The following TMEM134 variants were observed in gnomAD, a reference collection of about 807,000 sequenced individuals.
TMEM134 encodes transmembrane protein 134.
TMEM134 carries 36 observed loss-of-function variants against 26.2 expected under a neutral mutation model. That is an observed-to-expected ratio of 1.37 (90% CI 1.05 to 1.81). The LOEUF (loss-of-function observed/expected upper bound fraction) is 1.81. TMEM134 is among the 40% of genes most tolerant of loss of function. The pLI, the probability that TMEM134 is intolerant of heterozygous loss-of-function variation, is 0.00. For missense variants in TMEM134, 339 were observed against 263.5 expected (o/e 1.29, Z -1.98); for synonymous variants, 133 against 113.6 (o/e 1.17, Z -1.08).
intron 4 of TMEM134, chr11:67,467,097 G>A (rs2134230994): frequency 1.7e-6 from 1 of 598,554 alleles, no homozygotes. Flanking sequence ...TGATAAGCCA[G>A]GTTCCATTTT....
Position 67,469,177 on chromosome 11 carries a change from G to T in TMEM134, c.16C>A (p.Pro6Thr), listed in dbSNP as rs1276779250. The T allele has an allele frequency of 4.4e-6, 6 of 1,353,452 alleles. No individual in the cohort carries two copies. Among genetic ancestry groups the T allele is most frequent in the Non-Finnish European group, 5.7e-6 (6 of 1,043,758 alleles). The allele number at this position is 1,353,452 out of a possible 1,614,324, so 83.8% of individuals were successfully genotyped here. A position where few individuals can be genotyped will look rare whatever the true frequency, so the allele number is the denominator to read the frequency against. Residue 6 changes from proline to threonine, a missense_variant, in exon 1 of 7, where the codon CCC (proline) becomes ACC (threonine). Physicochemically the swap from Pro to Thr is conservative, Grantham distance 38. Transcript: ENST00000308022. ...AAGGCATCATCAATGCTGAACTGGG[G>T]CCGGGCGGCGCTCATGGCCCCGGCC... Reference protein sequence around the residue: MSAARPQFSIDDAFEL... With the variant: MSAARTQFSIDDAFEL...
rs746644447 is a variant in TMEM134, at chr11:67,464,839, A to C, written c.469T>G (p.Phe157Val). Reference sequence around the variant, plus strand: ...AACAACAGGAAGCCCGGCACGAAGAAGATGGCGCTGGAGACACCTGCGGGA... The same window carrying C: ...AACAACAGGAAGCCCGGCACGAAGACGATGGCGCTGGAGACACCTGCGGGA... ...TPSPGVSSAI[F>V]FVPGFLLLVP... The change falls in exon 6 of 7, where the codon TTC becomes GTC. Residue 157 changes from phenylalanine (F) to valine (V), a missense_variant. Physicochemically the swap from Phe to Val is conservative, Grantham distance 50 (BLOSUM62 -1). Transcript: ENST00000308022. 4 of 1,610,444 alleles carry C rather than the reference A, an allele frequency of 2.5e-6. No individual in the cohort carries two copies. The African/African-American group carries it at 4.0e-5, about 16-fold the overall frequency.
At position 67,464,620 on chromosome 11, in the gene TMEM134, C is replaced by A; in HGVS notation, c.582G>T (p.Glu194Asp). ...GFQFFYLPYFEK is the reference protein window; with the variant it reads ...GFQFFYLPYFDK ...GGTCCACGCTGCGCCGCGATCACTT[C>A]TCGAAGTAGGGCAGGTAGAAGAACT... Residue 194 changes from glutamate (E) to aspartate (D), a missense_variant, in exon 7 of 7, where the codon GAG becomes GAT. Transcript: ENST00000308022. The A allele has an allele frequency of 6.4e-7, 1 of 1,552,318 alleles. No individual in the cohort carries two copies. Among genetic ancestry groups the A allele is most frequent in the East Asian group, 2.4e-5 (1 of 41,006 alleles).
intron 1 of TMEM134, 110 bp downstream of exon 1, chr11:67,468,909 G>T: frequency 8.9e-7 from 1 of 1,129,290 alleles, no homozygotes; most frequent in Non-Finnish European, 1.2e-6. Context: ...GCGGTCTCGC[G>T]CTTCAGCTGG....
chr11:67,464,454 T>A lies in TMEM134; in HGVS notation c.*160A>T. On this transcript the variant is annotated 3_prime_UTR_variant, in exon 7 of 7. Transcript: ENST00000308022. ...AGGCACAGAGCAGGCGACGGGCGGC[T>A]TTCCCAGGGCCAGGCCTGCATGCCC... The A allele has an allele frequency of 1.4e-6, 1 of 713,232 alleles. No homozygotes were observed. The highest frequency in any genetic ancestry group is 2.4e-6 in the Non-Finnish European group (1 of 419,346). The allele number at this position is 713,232 out of a possible 1,614,324, so 44.2% of individuals were successfully genotyped here. A position where few individuals can be genotyped will look rare whatever the true frequency, so the allele number is the denominator to read the frequency against.
At position 67,462,339 on chromosome 11, in the gene TMEM134, G is replaced by A. The variant is rs1265754368; in HGVS notation, c.*2275C>T. 1 of 151,182 alleles carries A rather than the reference G, an allele frequency of 6.6e-6. No homozygotes were observed. The highest frequency in any genetic ancestry group is 1.5e-5 in the Non-Finnish European group (1 of 67,898). 9.4% of individuals were successfully genotyped at this position (151,182 alleles called of 1,614,324 possible). On this transcript the variant is annotated 3_prime_UTR_variant, in exon 7 of 7. Coordinates refer to ENST00000308022, the MANE Select transcript of TMEM134 (RefSeq NM_025124.4). ...TTATGTCTAATTAATCTGATAAACT[G>A]TGGACTTGTATTCTGTATTTTTTTT...
chr11:67,464,503 AG>A lies in TMEM134; in HGVS notation c.*110del. ...CCCGAACTTCCTGAGCAAACTCCCTAGGGGCTGGGGTTTCGAGGGTCCTGGA... is the reference window on the plus strand; with the variant it reads ...CCCGAACTTCCTGAGCAAACTCCCTAGGGCTGGGGTTTCGAGGGTCCTGGA... On this transcript the variant is annotated 3_prime_UTR_variant, in exon 7 of 7. Transcript: ENST00000308022. 2 of 1,163,608 alleles carry A rather than the reference AG, an allele frequency of 1.7e-6. No homozygotes were observed. The highest frequency in any genetic ancestry group is 2.5e-6 in the Non-Finnish European group (2 of 802,568). 72.1% of individuals were successfully genotyped at this position (1,163,608 alleles called of 1,614,324 possible).
Position 67,462,125 on chromosome 11 carries a change from G to C in TMEM134, c.*2489C>G, listed in dbSNP as rs1170394109. The stretch of plus-strand genomic sequence containing the variant: ...GCAGAGGATGCAGTGAGCCGAGATC[G>C]GGCCACTGCACTCCAGCCTGGGAGA... On this transcript the variant is annotated 3_prime_UTR_variant, in exon 7 of 7. Coordinates refer to ENST00000308022, the MANE Select transcript of TMEM134 (RefSeq NM_025124.4). 6.7e-6 allele frequency: 1 copy of C among 149,054 alleles called. No individual in the cohort carries two copies. Among genetic ancestry groups the C allele is most frequent in the Non-Finnish European group, 1.5e-5 (1 of 67,470 alleles). The allele number at this position is 149,054 out of a possible 1,614,324, so 9.2% of individuals were successfully genotyped here. A position where few individuals can be genotyped will look rare whatever the true frequency, so the allele number is the denominator to read the frequency against.
chr11:67,468,247 A>G (rs1865409626), intron 1 of TMEM134, 155 bp from the exon 2 acceptor site: 2 of 675,816 alleles, frequency 3.0e-6, no homozygotes, highest in South Asian at 3.6e-5. Context: ...GGGTTTGGTG[A>G]TTCACAGAAA....
intron 5 of TMEM134, 43 bp from the exon 6 acceptor site, chr11:67,464,899 G>A: frequency 6.2e-7 from 1 of 1,603,918 alleles, no homozygotes; most frequent in East Asian, 2.2e-5. Context: ...GGGGGCGGAG[G>A]CTTCGAGGCC....
At chr11:67,468,273 G>C (rs1053032960) in intron 1 of TMEM134, 181 bp from the exon 2 acceptor site, 1 of 618,640 alleles carries the variant, frequency 1.6e-6, no homozygotes, top group African/African-American at 1.8e-5. Context: ...TAGGAGGTGG[G>C]TGGATGCCAG....
chr11:67,467,776 TAGGAC>T, intron 2 of TMEM134, 186 bp from the exon 3 acceptor site: 1 of 679,512 alleles, frequency 1.5e-6, no homozygotes. Flanking sequence ...GGGGATTCTG[TAGGAC>T]AGGTGACCTG....
chr11:67,464,434 C>T lies in TMEM134; in HGVS notation c.*180G>A. 3.1e-6 allele frequency: 2 copies of T among 642,034 alleles called. No homozygotes were observed. Among genetic ancestry groups the T allele is most frequent in the Non-Finnish European group, 5.5e-6 (2 of 361,236 alleles). The allele number at this position is 642,034 out of a possible 1,614,324, so 39.8% of individuals were successfully genotyped here. A position where few individuals can be genotyped will look rare whatever the true frequency, so the allele number is the denominator to read the frequency against. Reference sequence around the variant, plus strand: ...CACGGCCCGAGAATAAGTTAAGGCACAGAGCAGGCGACGGGCGGCTTTCCC... The same window carrying T: ...CACGGCCCGAGAATAAGTTAAGGCATAGAGCAGGCGACGGGCGGCTTTCCC... On this transcript the variant is annotated 3_prime_UTR_variant, in exon 7 of 7. Coordinates refer to ENST00000308022, the MANE Select transcript of TMEM134 (RefSeq NM_025124.4).
rs1865025190 is a variant in TMEM134, at chr11:67,461,824, C to T, written c.*2790G>A. On this transcript the variant is annotated 3_prime_UTR_variant, in exon 7 of 7. Coordinates refer to ENST00000308022, the MANE Select transcript of TMEM134 (RefSeq NM_025124.4). ...ATCTTATTATTCTTTGACTTTTCTC[C>T]AACCATTACAAAATATAAAAACCAC... 6.6e-6 allele frequency: 1 copy of T among 151,796 alleles called. No individual in the cohort carries two copies. The highest frequency in any genetic ancestry group is 2.4e-5 in the African/African-American group (1 of 41,308). The allele number at this position is 151,796 out of a possible 1,614,324, so 9.4% of individuals were successfully genotyped here. A position where few individuals can be genotyped will look rare whatever the true frequency, so the allele number is the denominator to read the frequency against.
chr11:67,464,893 G>A (rs1181911023), intron 5 of TMEM134, 37 bp from the exon 6 acceptor site: 2 of 1,606,646 alleles, frequency 1.2e-6, no homozygotes, highest in Non-Finnish European at 8.5e-7. Context: ...GGGCGAGGGG[G>A]CGGAGGCTTC....
At chr11:67,464,942 T>C in intron 5 of TMEM134, 86 bp from the exon 6 acceptor site, 1 of 1,555,046 alleles carries the variant, frequency 6.4e-7, no homozygotes, top group Non-Finnish European at 8.8e-7. Context: ...CGGGCAAGCC[T>C]CACTCCCAGC....
In TMEM134 at chr11:67,465,101, C is replaced by G. The variant is rs1433143599; in HGVS notation, c.407-1G>C. On this transcript the variant is annotated splice_acceptor_variant, in intron 4 of 6. Transcript: ENST00000308022. LOFTEE classifies it high-confidence loss of function. ...AGTCCCACGCCGACCAGGATCAGCA[C>G]TGCACACAGACGGAGCCGCGGGGGT... 4 of 1,584,962 alleles carry G rather than the reference C, an allele frequency of 2.5e-6. No homozygotes were observed. Among genetic ancestry groups the G allele is most frequent in the Non-Finnish European group, 1.7e-6 (2 of 1,169,904 alleles).
chr11:67,465,195 A>G (rs1209137288), intron 4 of TMEM134, 95 bp from the exon 5 acceptor site: 1 of 1,534,080 alleles, frequency 6.5e-7, no homozygotes, highest in Non-Finnish European at 8.7e-7. Context: ...CCTGAGCTGA[A>G]GGTGCCCTAG....
At chr11:67,467,700 T>A in intron 2 of TMEM134, 110 bp from the exon 3 acceptor site, 1 of 1,101,014 alleles carries the variant, frequency 9.1e-7, no homozygotes, top group Non-Finnish European at 1.4e-6. Context: ...GCTGGCCCCT[T>A]GCAGGATAGT....
Sources: allele counts gnomAD v4.1 joint callset, GRCh38; gene constraint gnomAD v4.1.1; transcripts MANE v1.5; gene names NCBI Gene and HGNC (gene_info 2026-07-23, HGNC 2026-07-21).